CD33: variants seen among roughly 807,000 people sequenced by gnomAD.
CD33 encodes the protein myeloid cell surface antigen CD33.
In CD33, 25 loss-of-function variants were observed where a neutral mutation model predicts 31.4. The ratio of observed to expected loss-of-function variants is 0.80; its 90% CI spans 0.58 to 1.11. The LOEUF (loss-of-function observed/expected upper bound fraction) is 1.11, where lower values mean the gene tolerates loss of function less well. Among genes scored for constraint, CD33 ranks in the 50% most tolerant of loss-of-function variants. The probability of loss-of-function intolerance (pLI) is 0.00; values close to 1 mark genes in which losing one functional copy is unlikely to be tolerated. For missense variants in CD33, 407 were observed against 448.1 expected (o/e 0.91, Z 0.83); for synonymous variants, 176 against 180.6 (o/e 0.97, Z 0.20).
At chr19:51,223,816 T>A (rs1980806052), upstream of CD33, among the ~76,000 whole-genome samples, 1 of 152,238 alleles carries the variant, frequency 6.6e-6, no homozygotes, top group Non-Finnish European at 1.5e-5. Flanking sequence ...GAAAATTCTA[T>A]AGTCATATTT....
chr19:51,226,255 A>ACCCTTAT, intron 3 of CD33, 54 bp from the exon 4 acceptor site: 1 of 1,551,374 alleles, frequency 6.4e-7, no homozygotes, highest in East Asian at 2.3e-5. Flanking sequence ...GGAAATGCCT[A>ACCCTTAT]CCCTTATCTC....
upstream of CD33, among the ~76,000 whole-genome samples, chr19:51,224,141 T>G (rs1172157555): frequency 6.6e-6 from 1 of 151,468 alleles, no homozygotes; most frequent in Non-Finnish European, 1.5e-5. Context: ...AGACTAAGAG[T>G]TTTTAAGGAT....
At chr19:51,211,933 TG>T in the CD33 span, 1 of 1,425,478 alleles carries the variant, frequency 7.0e-7, no homozygotes, top group Non-Finnish European at 9.9e-7. Context: ...CCCATCTCCC[TG>T]GGCCCCAGGA....
At chr19:51,224,325 G>T (rs1352942559), upstream of CD33, among the ~76,000 whole-genome samples, 1 of 152,102 alleles carries the variant, frequency 6.6e-6, no homozygotes, top group Non-Finnish European at 1.5e-5. Flanking sequence ...AAAGGAATTT[G>T]CTTATTAAGG....
the CD33 span, among the ~76,000 whole-genome samples, chr19:51,218,798 T>C: frequency 6.6e-6 from 1 of 152,192 alleles, no homozygotes; most frequent in Non-Finnish European, 1.5e-5. Context: ...CCCCAGTGTA[T>C]GTTTTTGTCG....
chr19:51,225,996 G>A lies in CD33; in HGVS notation c.612G>A (p.Gln204=). The change falls in exon 3 of 7, where the codon CAG becomes CAA. Residue 204 remains glutamine (Q), a synonymous_variant. Transcript: ENST00000262262. Reference sequence around the variant, plus strand: ...TGCTCATAATCACCCCACGGCCCCAGGACCACGGCACCAACCTGACCTGTC... The same window carrying A: ...TGCTCATAATCACCCCACGGCCCCAAGACCACGGCACCAACCTGACCTGTC... ...SSVLIITPRP[Q]DHGTNLTCQV... is the part of the protein sequence containing the mutation. 6.2e-7 allele frequency: 1 copy of A among 1,614,044 alleles called. No homozygotes were observed. Among genetic ancestry groups the A allele is most frequent in the East Asian group, 2.2e-5 (1 of 44,860 alleles).
At chr19:51,233,132 C>A (rs373146822) in intron 4 of CD33, among the ~76,000 whole-genome samples, 1 of 152,270 alleles carries the variant, frequency 6.6e-6, no homozygotes, top group Admixed American at 6.5e-5. Flanking sequence ...GGGAGAGTGG[C>A]CTTTGGGCAG....
At position 51,239,597 on chromosome 19, in the gene CD33, A is replaced by T; in HGVS notation, c.1004A>T (p.Asp335Val). 6.2e-7 allele frequency: 1 copy of T among 1,613,934 alleles called. No homozygotes were observed. Among genetic ancestry groups the T allele is most frequent in the Non-Finnish European group, 8.5e-7 (1 of 1,179,950 alleles). The change falls in exon 7 of 7, where the codon GAT (aspartate) becomes GTT (valine). Residue 335 changes from aspartate to valine, a missense_variant. Asp to Val is a radical substitution (Grantham distance 152). Transcript: ENST00000262262. ...CSGAAPTVEMDEELHYASLNF... is the reference protein window; with the variant it reads ...CSGAAPTVEMVEELHYASLNF... ...GGTGCCGCCCCTACTGTGGAGATGG[A>T]TGAGGAGCTGCATTATGCTTCCCTC...
chr19:51,218,394 C>T, the CD33 span, among the ~76,000 whole-genome samples: 1 of 151,982 alleles, frequency 6.6e-6, no homozygotes, highest in Non-Finnish European at 1.5e-5. Context: ...TATTATTAAG[C>T]TGCTTCAGTT....
intron 4 of CD33, among the ~76,000 whole-genome samples, chr19:51,228,116 C>T (rs936687457): frequency 6.6e-6 from 1 of 152,156 alleles, no homozygotes; most frequent in Non-Finnish European, 1.5e-5. Flanking sequence ...TTGGTTACTA[C>T]AGCTTTGTAG....
intron 4 of CD33, among the ~76,000 whole-genome samples, chr19:51,231,303 C>T (rs576689244): frequency 1.3e-5 from 2 of 152,328 alleles, no homozygotes; most frequent in East Asian, 1.9e-4. Context: ...TCCATACTAG[C>T]GTCGGCCCCC....
the CD33 span, chr19:51,211,933 T>TG: frequency 4.2e-6 from 6 of 1,425,364 alleles, no homozygotes; most frequent in Non-Finnish European, 5.9e-6. Context: ...CCCATCTCCC[T>TG]GGGCCCCAGG....
intron 5 of CD33, 124 bp from the exon 6 acceptor site, chr19:51,235,471 T>A: frequency 6.9e-7 from 1 of 1,459,128 alleles, no homozygotes; most frequent in East Asian, 2.5e-5. Flanking sequence ...TGTGACTAAG[T>A]CTTGTTTGAG....
chr19:51,216,316 AGATTCTTTGGTAACTATAC>A, the CD33 span, among the ~76,000 whole-genome samples: 1 of 151,694 alleles, frequency 6.6e-6, no homozygotes, highest in African/African-American at 2.4e-5. Flanking sequence ...ATTAATCTAT[AGATTCTTTGGTAACTATAC>A]TGAACACCTA....
the CD33 span, among the ~76,000 whole-genome samples, chr19:51,219,323 A>T: frequency 3.3e-5 from 5 of 152,194 alleles, no homozygotes; most frequent in African/African-American, 1.2e-4. Context: ...CTTCTGTTAG[A>T]TTACTGTTGG....
rs761220053 is a variant in CD33, at chr19:51,225,517, A to G, written c.337A>G (p.Asn113Asp). 4.0e-5 allele frequency: 65 copies of G among 1,610,276 alleles called. No homozygotes were observed. In the South Asian group the frequency reaches 6.8e-4, roughly 17 times the overall value. The change falls in exon 2 of 7, where the codon AAT becomes GAT. Residue 113 changes from asparagine to aspartate, a missense_variant. Transcript: ENST00000262262. ...LSIVDARRRDNGSYFFRMERG... is the reference protein window; with the variant it reads ...LSIVDARRRDDGSYFFRMERG... Reference sequence around the variant, plus strand: ...CATCGTAGACGCCAGGAGGAGGGATAATGGTTCATACTTCTTTCGGATGGA... The same window carrying G: ...CATCGTAGACGCCAGGAGGAGGGATGATGGTTCATACTTCTTTCGGATGGA...
chr19:51,225,820 A>C lies in CD33; in HGVS notation c.436A>C (p.Lys146Gln), dbSNP rs759673176. 43 of 1,613,648 alleles carry C rather than the reference A, an allele frequency of 2.7e-5. No homozygotes were observed. Among genetic ancestry groups the C allele is most frequent in the Non-Finnish European group, 3.2e-5 (38 of 1,179,840 alleles). ...CTCACTAGACTTGACCCACAGGCCC[A>C]AAATCCTCATCCCTGGCACTCTAGA... ...VHVTDLTHRP[K>Q]ILIPGTLEPG... The change falls in exon 3 of 7, where the codon AAA becomes CAA. Residue 146 changes from lysine (K) to glutamine (Q), a missense_variant. Transcript: ENST00000262262.
the CD33 span, among the ~76,000 whole-genome samples, chr19:51,214,681 G>A: frequency 5.9e-5 from 9 of 151,838 alleles, no homozygotes; most frequent in African/African-American, 1.4e-4. Flanking sequence ...GGATAATTTC[G>A]GTTGTTTGTA....
chr19:51,235,881 G>A lies in CD33; in HGVS notation c.924+205G>A, dbSNP rs113514804. 86 of 708,138 alleles carry A rather than the reference G, an allele frequency of 1.2e-4. No individual in the cohort carries two copies. The African/African-American group carries it at 1.3e-3, about 11-fold the overall frequency. 43.9% of individuals were successfully genotyped at this position (708,138 alleles called of 1,614,324 possible). A position where few individuals can be genotyped will look rare whatever the true frequency, so the allele number is the denominator to read the frequency against. Reference sequence around the variant, plus strand: ...CCATTGAAAAGATAGTTTCTTGGCCGGGCACAGTGTTTCACACCTGCAATC... The same window carrying A: ...CCATTGAAAAGATAGTTTCTTGGCCAGGCACAGTGTTTCACACCTGCAATC... On this transcript the variant is annotated intron_variant, in intron 6 of 6. Transcript: ENST00000262262.
Sources: allele counts gnomAD v4.1 joint callset (sites outside exome capture counted in the v4.1 genomes callset), GRCh38; gene constraint gnomAD v4.1.1; transcripts MANE v1.5; gene names NCBI Gene and HGNC (gene_info 2026-07-23, HGNC 2026-07-21).